The following DCT variants were observed in gnomAD, a reference collection of about 807,000 sequenced individuals.
DCT encodes L-dopachrome tautomerase.
A neutral mutation model predicts 53.0 loss-of-function variants in DCT; 47 were observed. That is an observed-to-expected ratio of 0.89 (90% confidence interval 0.70 to 1.13). The LOEUF (loss-of-function observed/expected upper bound fraction) is 1.13. Ranked by LOEUF, DCT falls within the 50% of genes most tolerant of loss-of-function variation. DCT has a pLI of 0.00. For missense variants in DCT, 669 were observed against 637.4 expected (o/e 1.05, Z -0.53); for synonymous variants, 244 against 237.0 (o/e 1.03, Z -0.27).
the DCT span, among the ~76,000 whole-genome samples, chr13:94,535,928 C>T: frequency 2.6e-4 from 39 of 152,292 alleles, 1 homozygote; most frequent in South Asian, 8.1e-3. Context: ...TCTCCTGCCA[C>T]CCGTAGAGGC....
At chr13:94,469,526 C>T (rs936554576) in intron 1 of DCT, among the ~76,000 whole-genome samples, 1 of 152,116 alleles carries the variant, frequency 6.6e-6, no homozygotes, top group Non-Finnish European at 1.5e-5. Flanking sequence ...AGACAGCCCT[C>T]AGAGGAAACC....
At chr13:94,441,788 AG>A (rs1882336223) in intron 7 of DCT, among the ~76,000 whole-genome samples, 1 of 152,210 alleles carries the variant, frequency 6.6e-6, no homozygotes, top group Admixed American at 6.5e-5. Flanking sequence ...GGCTATTGTA[AG>A]TAATGCTGCT....
the DCT span, among the ~76,000 whole-genome samples, chr13:94,525,185 C>T: frequency 2.0e-5 from 3 of 152,100 alleles, no homozygotes; most frequent in African/African-American, 7.2e-5. Flanking sequence ...ACTGCAACTT[C>T]CACCCCCTGG....
chr13:94,516,257 G>A, the DCT span, among the ~76,000 whole-genome samples: 45 of 152,254 alleles, frequency 3.0e-4, no homozygotes, highest in Middle Eastern at 0.014. Context: ...GTGCAGGTGG[G>A]TAGGGAGGAA....
chr13:94,454,644 T>C (rs1883295395), intron 6 of DCT, among the ~76,000 whole-genome samples: 1 of 152,194 alleles, frequency 6.6e-6, no homozygotes. Context: ...GCTCTATTGC[T>C]TGGAGAGATT....
the DCT span, among the ~76,000 whole-genome samples, chr13:94,503,420 G>T: frequency 9.9e-3 from 1,453 of 147,456 alleles, 22 homozygotes; most frequent in African/African-American, 0.034. Flanking sequence ...AGGGGAGGTG[G>T]GGGAAAGAAA....
intron 2 of DCT, 34 bp from the exon 3 acceptor site, chr13:94,466,692 G>C (rs747670490): frequency 1.4e-6 from 2 of 1,426,854 alleles, no homozygotes; most frequent in Non-Finnish European, 1.9e-6. Flanking sequence ...AGAGATGACA[G>C]AATAGAATTT....
the DCT span, among the ~76,000 whole-genome samples, chr13:94,530,532 C>T: frequency 0.4 from 61,387 of 152,024 alleles, 13,131 homozygotes; most frequent in East Asian, 0.62. Context: ...GAACCAACGA[C>T]GAAAACCACA....
chr13:94,490,504 C>CAAAA, the DCT span, among the ~76,000 whole-genome samples: 97 of 35,480 alleles, frequency 2.7e-3, 12 homozygotes, highest in African/African-American at 9.0e-3. Context: ...GACTCGGTCT[C>CAAAA]AAAAAAAAAA....
chr13:94,529,222 A>G, the DCT span, among the ~76,000 whole-genome samples: 3 of 152,200 alleles, frequency 2.0e-5, no homozygotes, highest in Non-Finnish European at 2.9e-5. Context: ...TCAATATTAG[A>G]CAGATCAATG....
chr13:94,468,567 G>GA, intron 2 of DCT, 179 bp downstream of exon 2: 1 of 626,368 alleles, frequency 1.6e-6, no homozygotes, highest in South Asian at 2.0e-5. Flanking sequence ...CAATGCACAG[G>GA]AAGAAACTGC....
the DCT span, among the ~76,000 whole-genome samples, chr13:94,504,881 C>A: frequency 6.6e-6 from 1 of 151,864 alleles, no homozygotes; most frequent in African/African-American, 2.4e-5. Context: ...TCTTTGTATC[C>A]AAGGCACCTT....
intron 6 of DCT, among the ~76,000 whole-genome samples, chr13:94,446,966 G>A (rs963313947): frequency 2.0e-5 from 3 of 152,012 alleles, no homozygotes; most frequent in Non-Finnish European, 4.4e-5. Flanking sequence ...TCCAAACAAG[G>A]TGACATTCTG....
At chr13:94,542,643 C>T in the DCT span, among the ~76,000 whole-genome samples, 1 of 152,146 alleles carries the variant, frequency 6.6e-6, no homozygotes, top group African/African-American at 2.4e-5. Flanking sequence ...GGGGCTCAAT[C>T]GAAGTTCTCC....
chr13:94,488,827 TATAC>T, the DCT span, among the ~76,000 whole-genome samples: 28,125 of 149,530 alleles, frequency 0.19, 2,866 homozygotes, highest in South Asian at 0.3. Context: ...ACACCATATA[TATAC>T]ATACATATAC....
chr13:94,469,005 G>A lies in DCT; in HGVS notation c.336C>T (p.Gly112=). ...TCCGCTCGCAGTTGGGACCGGTCCA[G>A]CCAAACTTGCAGTCTCCACAATTAT... is the stretch of plus-strand genomic sequence containing the variant. The part of the protein sequence containing the change: ...AGYNCGDCKF[G]WTGPNCERKK... The change falls in exon 2 of 8, where the codon GGC becomes GGT. Residue 112 remains glycine (G), a synonymous_variant. Transcript: ENST00000377028. 2 of 1,614,074 alleles carry A rather than the reference G, an allele frequency of 1.2e-6. No homozygotes were observed. Among genetic ancestry groups the A allele is most frequent in the South Asian group, 1.1e-5 (1 of 91,078 alleles).
the DCT span, among the ~76,000 whole-genome samples, chr13:94,496,035 A>G: frequency 1.3e-5 from 2 of 151,988 alleles, no homozygotes; most frequent in African/African-American, 4.8e-5. Flanking sequence ...TGCCCTATTC[A>G]TTGTGCCATC....
chr13:94,481,562 T>C (rs9524504), upstream of DCT, among the ~76,000 whole-genome samples: 56,512 of 151,978 alleles, frequency 0.37, 10,837 homozygotes, highest in Non-Finnish European at 0.4. Context: ...CAATAATTCT[T>C]ATGTCAGAAT....
At chr13:94,549,335 C>A in the DCT span, among the ~76,000 whole-genome samples, 1 of 152,234 alleles carries the variant, frequency 6.6e-6, no homozygotes, top group East Asian at 1.9e-4. Flanking sequence ...ACCAGCCCCC[C>A]AGGCGGCGCG....
Sources: gnomAD v4.1 joint callset for allele counts (sites outside exome capture counted in the v4.1 genomes callset) on GRCh38, gnomAD v4.1.1 for gene constraint, MANE v1.5 for transcripts, NCBI Gene and HGNC (gene_info 2026-07-23, HGNC 2026-07-21) for gene names.